Variants in OAS2 observed in about 807,000 individuals in gnomAD.
OAS2 encodes 2'-5'-oligoadenylate synthase 2.
OAS2 carries 67 observed loss-of-function variants against 71.3 expected under a neutral mutation model. That is an observed-to-expected ratio of 0.94 (90% CI 0.77 to 1.15). The LOEUF (loss-of-function observed/expected upper bound fraction) is 1.15. Among genes scored for constraint, OAS2 ranks in the 50% most tolerant of loss-of-function variants. The pLI, the probability that OAS2 is intolerant of heterozygous loss-of-function variation, is 0.00. For missense variants in OAS2, 789 were observed against 822.5 expected (o/e 0.96, Z 0.50); for synonymous variants, 327 against 321.8 (o/e 1.02, Z -0.17).
rs1440178168 is a variant in OAS2, at chr12:113,010,424, T to TGA, written c.*1172_*1173dup. 9 of 1,613,934 alleles carry TGA rather than the reference T, an allele frequency of 5.6e-6. No individual in the cohort carries two copies. In the Middle Eastern group the frequency reaches 4.9e-4, roughly 88 times the overall value. On this transcript the variant is annotated 3_prime_UTR_variant, in exon 10 of 10. Transcript: ENST00000392583. ...GAGCTAGGATCCATCCTATTGTCAATGAGATGTTCTCATCCAGAAGCCATA... is the reference window on the plus strand; with the variant it reads ...GAGCTAGGATCCATCCTATTGTCAATGAGAGATGTTCTCATCCAGAAGCCATA...
At chr12:113,008,334 C>A (rs1226845570) in intron 9 of OAS2, among the ~76,000 whole-genome samples, 1 of 151,480 alleles carries the variant, frequency 6.6e-6, no homozygotes, top group African/African-American at 2.4e-5. Context: ...CTTAGGGCCA[C>A]CAGCAAGGGA....
intron 1 of OAS2, among the ~76,000 whole-genome samples, chr12:112,983,837 A>G (rs2044105620): frequency 6.6e-6 from 1 of 152,182 alleles, no homozygotes. Flanking sequence ...CAGTATTTCA[A>G]TTTTTAAAAA....
intron 7 of OAS2, among the ~76,000 whole-genome samples, chr12:113,005,509 T>G (rs1252677613): frequency 1.3e-5 from 2 of 151,814 alleles, no homozygotes; most frequent in East Asian, 3.9e-4. Context: ...ATCGTGCCAC[T>G]GCACTCCAGC....
At chr12:113,007,073 A>G (rs1003555114) in intron 8 of OAS2, among the ~76,000 whole-genome samples, 2 of 152,128 alleles carry the variant, frequency 1.3e-5, no homozygotes, top group Non-Finnish European at 2.9e-5. Context: ...CAGGCAGGTA[A>G]CCCCAGATTC....
chr12:112,991,394 AC>A (rs1390745563), intron 2 of OAS2, among the ~76,000 whole-genome samples: 1 of 152,228 alleles, frequency 6.6e-6, no homozygotes, highest in Non-Finnish European at 1.5e-5. Context: ...GAGGATGCGC[AC>A]CCGTAACACA....
intron 8 of OAS2, among the ~76,000 whole-genome samples, chr12:113,007,418 G>T (rs956721028): frequency 1.3e-5 from 2 of 152,342 alleles, no homozygotes; most frequent in African/African-American, 4.8e-5. Flanking sequence ...GATTAGGAAT[G>T]ATGTGGGTAA....
Position 112,987,231 on chromosome 12 carries a change from T to C in OAS2, c.371T>C (p.Leu124Pro). 6.2e-7 allele frequency: 1 copy of C among 1,614,218 alleles called. No homozygotes were observed. The highest frequency in any genetic ancestry group is 1.3e-5 in the African/African-American group (1 of 75,052). Residue 124 changes from leucine (L) to proline (P), a missense_variant, in exon 2 of 10, where the codon CTT becomes CCT. By Grantham distance (98) the Leu-to-Pro change is moderately conservative. Coordinates refer to ENST00000392583, the MANE Select transcript of OAS2 (RefSeq NM_002535.3). ...AACAATTTCGAGATCCAGAAGTCCC[T>C]TGATGGGTTCACCATCCAGGTGTTC... Reference protein sequence around the residue: ...LKNNFEIQKSLDGFTIQVFTK... With the variant: ...LKNNFEIQKSPDGFTIQVFTK...
chr12:112,997,665 A>T lies in OAS2; in HGVS notation c.773A>T (p.Gln258Leu). 1 of 1,614,152 alleles carries T rather than the reference A, an allele frequency of 6.2e-7. No homozygotes were observed. The highest frequency in any genetic ancestry group is 8.5e-7 in the Non-Finnish European group (1 of 1,180,008). Residue 258 changes from glutamine to leucine, a missense_variant, in exon 4 of 10, where the codon CAG becomes CTG. Physicochemically the swap from Gln to Leu is moderately radical, Grantham distance 113. Transcript: ENST00000392583. ...ACCGTACTGGAGCTGATCAAATGCC[A>T]GGAGAAGCTGTGTATCTATTGGATG... ...VRTVLELIKC[Q>L]EKLCIYWMVN...
At chr12:113,006,129 T>G (rs554880309) in intron 7 of OAS2, among the ~76,000 whole-genome samples, 1 of 152,268 alleles carries the variant, frequency 6.6e-6, no homozygotes, top group East Asian at 1.9e-4. Flanking sequence ...TTTCATTCCC[T>G]TTAATGAATG....
chr12:112,995,160 A>G (rs1331803377), intron 2 of OAS2, 136 bp from the exon 3 acceptor site: 3 of 696,878 alleles, frequency 4.3e-6, no homozygotes, highest in East Asian at 5.5e-5. Flanking sequence ...GTTTTATGTA[A>G]AGGTACCTGT....
chr12:112,986,627 A>C (rs1034822471), intron 1 of OAS2, among the ~76,000 whole-genome samples: 1 of 152,150 alleles, frequency 6.6e-6, no homozygotes, highest in African/African-American at 2.4e-5. Context: ...TGCTGGTGGC[A>C]GGTGGGGCGA....
At chr12:112,997,999 T>C (rs1262815365) in intron 4 of OAS2, among the ~76,000 whole-genome samples, 1 of 152,022 alleles carries the variant, frequency 6.6e-6, no homozygotes, top group Non-Finnish European at 1.5e-5. Flanking sequence ...CTTCCCCTTA[T>C]AGAAGGAAGG....
rs940615532 is a variant in OAS2, at chr12:113,011,134, G to A, written c.*1879G>A. Reference sequence around the variant, plus strand: ...AGCCTTAAAGATACTTGAAGGTCTAGGTGCTTTAACCTCACATACCCTCAC... The same window carrying A: ...AGCCTTAAAGATACTTGAAGGTCTAAGTGCTTTAACCTCACATACCCTCAC... On this transcript the variant is annotated 3_prime_UTR_variant, in exon 10 of 10. Coordinates refer to ENST00000392583, the MANE Select transcript of OAS2 (RefSeq NM_002535.3). The A allele has an allele frequency of 1.3e-5, 2 of 152,216 alleles. No homozygotes were observed. Among genetic ancestry groups the A allele is most frequent in the African/African-American group, 2.4e-5 (1 of 41,440 alleles). 9.4% of individuals were successfully genotyped at this position (152,216 alleles called of 1,614,324 possible). A position where few individuals can be genotyped will look rare whatever the true frequency, so the allele number is the denominator to read the frequency against.
Position 113,010,531 on chromosome 12 carries a change from G to C in OAS2, c.*1276G>C. 6.2e-7 allele frequency: 1 copy of C among 1,600,568 alleles called. No individual in the cohort carries two copies. The highest frequency in any genetic ancestry group is 8.5e-7 in the Non-Finnish European group (1 of 1,176,074). On this transcript the variant is annotated 3_prime_UTR_variant, in exon 10 of 10. Transcript: ENST00000392583. Reference sequence around the variant, plus strand: ...TAAAGACTCGGCTCACCGTGAGAAAGAGTCACTCACATCCATTCTTCCCTT... The same window carrying C: ...TAAAGACTCGGCTCACCGTGAGAAACAGTCACTCACATCCATTCTTCCCTT...
chr12:112,987,338 A>C, intron 2 of OAS2, 30 bp downstream of exon 2: 2 of 1,613,110 alleles, frequency 1.2e-6, no homozygotes. Flanking sequence ...AGGAGAGAAA[A>C]GCCAAAGAAG....
intron 8 of OAS2, among the ~76,000 whole-genome samples, 157 bp from the exon 9 acceptor site, chr12:113,007,548 G>C (rs1343796726): frequency 1.3e-5 from 2 of 152,206 alleles, no homozygotes; most frequent in Non-Finnish European, 2.9e-5. Context: ...CTGCTGCCAG[G>C]TGGACTCCTG....
intron 2 of OAS2, chr12:112,988,227 T>C (rs1274580367): frequency 2.0e-6 from 2 of 985,206 alleles, no homozygotes; most frequent in Admixed American, 6.1e-5. Flanking sequence ...TCAATACCAC[T>C]GTTAAGAAGA....
In OAS2 at chr12:113,004,982, G is replaced by A. The variant is rs1277427368; in HGVS notation, c.1228G>A (p.Asp410Asn). Residue 410 changes from aspartate (D) to asparagine (N), a missense_variant, in exon 7 of 10, where the codon GAT (aspartate) becomes AAT (asparagine). Physicochemically the swap from Asp to Asn is conservative, Grantham distance 23. Transcript: ENST00000392583. Reference sequence around the variant, plus strand: ...AGCTCTGAAGACTGGCTCTGATGCCGATCTCGTCGTGTTCCATAACTCACT... The same window carrying A: ...AGCTCTGAAGACTGGCTCTGATGCCAATCTCGTCGTGTTCCATAACTCACT... ...GTALKTGSDA[D>N]LVVFHNSLKS... 2.5e-6 allele frequency: 4 copies of A among 1,614,136 alleles called. No individual in the cohort carries two copies. Among genetic ancestry groups the A allele is most frequent in the East Asian group, 2.2e-5 (1 of 44,880 alleles).
chr12:112,996,691 A>G (rs1398535833), intron 3 of OAS2, among the ~76,000 whole-genome samples: 1 of 152,128 alleles, frequency 6.6e-6, no homozygotes, highest in Non-Finnish European at 1.5e-5. Context: ...CAGAGGTTAC[A>G]GGCAAAGCCA....
Sources: gnomAD v4.1 joint callset for allele counts (sites outside exome capture counted in the v4.1 genomes callset) on GRCh38, gnomAD v4.1.1 for gene constraint, MANE v1.5 for transcripts, NCBI Gene and HGNC (gene_info 2026-07-23, HGNC 2026-07-21) for gene names.